Variants in LRRK2 observed in about 807,000 individuals in gnomAD.
The protein encoded by LRRK2 is leucine-rich repeat serine/threonine-protein kinase 2.
A neutral mutation model predicts 302.6 loss-of-function variants in LRRK2; 203 were observed. The observed-to-expected ratio is 0.67, with a 90% CI of 0.60 to 0.75. The LOEUF (loss-of-function observed/expected upper bound fraction) is 0.75. LRRK2 is among the 30% of genes least tolerant of loss of function. LRRK2 has a pLI of 0.00. For missense variants in LRRK2, 2,830 were observed against 2,951.0 expected, an observed-to-expected ratio of 0.96 and a Z score of 0.95; for synonymous variants, 1,066 against 1,031.9, an observed-to-expected ratio of 1.03 and a Z score of -0.63.
Position 40,351,612 on chromosome 12 carries a change from T to G in LRRK2, c.6455T>G (p.Val2152Gly). The change falls in exon 44 of 51, where the codon GTT (valine) becomes GGT (glycine). Residue 2152 changes from valine to glycine, a missense_variant. By Grantham distance (109) the Val-to-Gly change is moderately radical (BLOSUM62 -3). Transcript: ENST00000298910. ...RRILLPKNVI[V>G]ECMVATHHNS... ...ATTTTATTACCTAAAAACGTAATTGTTGAATGCATGGTTGCTACACATCAC... is the reference window on the plus strand; with the variant it reads ...ATTTTATTACCTAAAAACGTAATTGGTGAATGCATGGTTGCTACACATCAC... 1 of 1,614,216 alleles carries G rather than the reference T, an allele frequency of 6.2e-7. No homozygotes were observed. The highest frequency in any genetic ancestry group is 8.5e-7 in the Non-Finnish European group (1 of 1,180,034).
intron 11 of LRRK2, among the ~76,000 whole-genome samples, chr12:40,256,514 T>C (rs988382000): frequency 1.3e-5 from 2 of 152,174 alleles, no homozygotes; most frequent in Admixed American, 6.6e-5. Flanking sequence ...ATAGTTACTT[T>C]CCACAAATAG....
At chr12:40,327,234 A>G (rs1233302069) in intron 38 of LRRK2, among the ~76,000 whole-genome samples, 1 of 152,208 alleles carries the variant, frequency 6.6e-6, no homozygotes, top group Non-Finnish European at 1.5e-5. Context: ...ATGATGGAGT[A>G]GCAGAGCTCT....
intron 39 of LRRK2, among the ~76,000 whole-genome samples, chr12:40,334,340 T>A (rs1945803765): frequency 6.6e-6 from 1 of 152,182 alleles, no homozygotes; most frequent in African/African-American, 2.4e-5. Flanking sequence ...ACAGTACAGT[T>A]GACCCTTGAA....
chr12:40,276,808 AATTTT>A (rs1251732763), intron 16 of LRRK2, among the ~76,000 whole-genome samples: 6 of 149,812 alleles, frequency 4.0e-5, no homozygotes, highest in African/African-American at 1.5e-4. Context: ...TCGAAGTAAT[AATTTT>A]AATATTTAGA....
rs2136421740 is a variant in LRRK2, at chr12:40,238,023, T to C, written c.491T>C (p.Phe164Ser). Reference sequence around the variant, plus strand: ...GAAAGTGATATTTTCATGTTAATTTTTGATGCCATGCACTCATTTCCAGCC... The same window carrying C: ...GAAAGTGATATTTTCATGTTAATTTCTGATGCCATGCACTCATTTCCAGCC... ...DEESDIFMLI[F>S]DAMHSFPAND... The change falls in exon 5 of 51, where the codon TTT (phenylalanine) becomes TCT (serine). Residue 164 changes from phenylalanine to serine, a missense_variant. Coordinates refer to ENST00000298910, the MANE Select transcript of LRRK2 (RefSeq NM_198578.4). 4 of 1,613,550 alleles carry C rather than the reference T, an allele frequency of 2.5e-6. No homozygotes were observed. In the Middle Eastern group the frequency reaches 6.6e-4, roughly 266 times the overall value.
chr12:40,277,786 C>T lies in LRRK2; in HGVS notation c.1942-102C>T, dbSNP rs1049724167. 8 of 1,078,014 alleles carry T rather than the reference C, an allele frequency of 7.4e-6. No homozygotes were observed. The African/African-American group carries it at 9.5e-5, about 13-fold the overall frequency. 66.8% of individuals were successfully genotyped at this position (1,078,014 alleles called of 1,614,324 possible). A position where few individuals can be genotyped will look rare whatever the true frequency, so the allele number is the denominator to read the frequency against. On this transcript the variant is annotated intron_variant, in intron 16 of 50. Coordinates refer to ENST00000298910, the MANE Select transcript of LRRK2 (RefSeq NM_198578.4). ...CCCAATATATCTATAGTTAAATGAACATCCTAGGTATTGTTTCATATACAA... is the reference window on the plus strand; with the variant it reads ...CCCAATATATCTATAGTTAAATGAATATCCTAGGTATTGTTTCATATACAA...
Position 40,369,039 on chromosome 12 carries a change from A to G in LRRK2, c.*1274A>G, listed in dbSNP as rs1364602351. On this transcript the variant is annotated 3_prime_UTR_variant, in exon 51 of 51. Coordinates refer to ENST00000298910, the MANE Select transcript of LRRK2 (RefSeq NM_198578.4). ...AACTTATGGCATTTTACTATGTGAA[A>G]ACTTTAAATTTATTTATATTAAGGG... 2 of 151,810 alleles carry G rather than the reference A, an allele frequency of 1.3e-5. No homozygotes were observed. The highest frequency in any genetic ancestry group is 3.0e-5 in the Non-Finnish European group (2 of 67,788). The allele number at this position is 151,810 out of a possible 1,614,324, so 9.4% of individuals were successfully genotyped here.
chr12:40,310,368 C>T (rs1300034481), intron 30 of LRRK2, 63 bp from the exon 31 acceptor site: 5 of 1,472,216 alleles, frequency 3.4e-6, no homozygotes, highest in African/African-American at 2.8e-5. Flanking sequence ...CAAATATCAA[C>T]AGGAATGTGA....
Position 40,240,602 on chromosome 12 carries a change from T to C in LRRK2, c.691T>C (p.Ser231Pro), listed in dbSNP as rs201332859. The change falls in exon 6 of 51, where the codon TCC (serine) becomes CCC (proline). Residue 231 changes from serine (S) to proline (P), a missense_variant. By Grantham distance (74) the Ser-to-Pro change is moderately conservative. Coordinates refer to ENST00000298910, the MANE Select transcript of LRRK2 (RefSeq NM_198578.4). ...GCTTCATGTGCTGCATTGTTTACAT[T>C]CCCTAGCGATTCCTTGTAAGTAGCA... is the stretch of plus-strand genomic sequence containing the variant. ...IVLHVLHCLHSLAIPCNNVEV... is the reference protein window; with the variant it reads ...IVLHVLHCLHPLAIPCNNVEV... 1.9e-5 allele frequency: 31 copies of C among 1,613,318 alleles called. No homozygotes were observed. In the East Asian group the frequency reaches 6.5e-4, roughly 34 times the overall value.
chr12:40,306,954 A>G (rs779896275), intron 28 of LRRK2, among the ~76,000 whole-genome samples: 1 of 152,072 alleles, frequency 6.6e-6, no homozygotes, highest in Non-Finnish European at 1.5e-5. Flanking sequence ...ACTGGAAAAG[A>G]TGGTCATATA....
At chr12:40,279,933 A>G (rs1295107652) in intron 18 of LRRK2, among the ~76,000 whole-genome samples, 2 of 152,226 alleles carry the variant, frequency 1.3e-5, no homozygotes, top group Non-Finnish European at 2.9e-5. Context: ...AAAATAAGGT[A>G]ATCAGGACTA....
intron 18 of LRRK2, among the ~76,000 whole-genome samples, chr12:40,282,148 T>C (rs1418506996): frequency 1.6e-5 from 2 of 122,394 alleles, no homozygotes; most frequent in East Asian, 3.0e-4. Context: ...CCCTCCCTTC[T>C]CCTTTCTCTT....
At chr12:40,264,416 C>A (rs1047662615) in intron 14 of LRRK2, among the ~76,000 whole-genome samples, 2 of 152,066 alleles carry the variant, frequency 1.3e-5, no homozygotes, top group African/African-American at 4.8e-5. Flanking sequence ...GTCAGGAGTT[C>A]GAGAGCAACC....
intron 4 of LRRK2, among the ~76,000 whole-genome samples, chr12:40,235,990 A>G (rs1941449488): frequency 6.6e-6 from 1 of 151,898 alleles, no homozygotes; most frequent in South Asian, 2.1e-4. Context: ...ATCTCATTCA[A>G]TACATTGGTT....
chr12:40,367,457 C>T, intron 50 of LRRK2, 187 bp from the exon 51 acceptor site: 1 of 459,630 alleles, frequency 2.2e-6, no homozygotes, highest in South Asian at 4.4e-5. Context: ...TTAATAGTTT[C>T]TATAATGTAT....
intron 39 of LRRK2, among the ~76,000 whole-genome samples, chr12:40,334,626 G>C (rs60776971): frequency 0.15 from 22,834 of 152,100 alleles, 1,908 homozygotes; most frequent in African/African-American, 0.21. Context: ...CATTATAAAG[G>C]TCTTCACCCT....
rs768272033 is a variant in LRRK2, at chr12:40,284,047, T to C, written c.2414T>C (p.Leu805Pro). Residue 805 changes from leucine (L) to proline (P), a missense_variant, in exon 19 of 51, where the codon CTT (leucine) becomes CCT (proline). Leu to Pro is a moderately conservative substitution (Grantham distance 98). This residue lies in a region of LRRK2 where 2,121 missense variants were observed against 2,148.0 expected (regional missense o/e 0.99). Coordinates refer to ENST00000298910, the MANE Select transcript of LRRK2 (RefSeq NM_198578.4). ...ALDVANNSIC[L>P]GGFCIGKVEP... ...GATGTGGCCAACAATAGCATTTGCC[T>C]TGGAGGATTTTGTATAGGAAAAGTT... is the stretch of plus-strand genomic sequence containing the variant. 1 of 1,613,772 alleles carries C rather than the reference T, an allele frequency of 6.2e-7. No individual in the cohort carries two copies. Among genetic ancestry groups the C allele is most frequent in the African/African-American group, 1.3e-5 (1 of 75,054 alleles).
intron 24 of LRRK2, 61 bp downstream of exon 24, chr12:40,298,554 TGCTGACATTTTTATA>T (rs1944470199): frequency 3.8e-6 from 6 of 1,589,514 alleles, no homozygotes; most frequent in Non-Finnish European, 4.3e-6. Context: ...TAACAAAATA[TGCTGACATTTTTATA>T]GCAATGAGTT....
At chr12:40,225,767 G>A in intron 2 of LRRK2, 127 bp downstream of exon 2, 1 of 756,722 alleles carries the variant, frequency 1.3e-6, no homozygotes, top group Non-Finnish European at 2.3e-6. Flanking sequence ...ACCTCTGACT[G>A]TGATTTTAAG....
Sources: gnomAD v4.1 joint callset for allele counts (sites outside exome capture counted in the v4.1 genomes callset) on GRCh38, gnomAD v4.1.1 for gene constraint, gnomAD v4.1.1 regional missense constraint, MANE v1.5 for transcripts, NCBI Gene and HGNC (gene_info 2026-07-23, HGNC 2026-07-21) for gene names.